Variants in ANKRD36B observed in about 807,000 individuals in gnomAD.
The protein encoded by ANKRD36B is ankyrin repeat domain 36B.
ANKRD36B carries 37 observed loss-of-function variants against 135.7 expected under a neutral mutation model. That is an observed-to-expected ratio of 0.27 (90% CI 0.21 to 0.36). The LOEUF (loss-of-function observed/expected upper bound fraction) is 0.36. Ranked by LOEUF, ANKRD36B falls within the 10% of genes least tolerant of loss-of-function variation. The pLI, the probability that ANKRD36B is intolerant of heterozygous loss-of-function variation, is 1.00. For synonymous variants in ANKRD36B, 179 were observed against 348.1 expected, an observed-to-expected ratio of 0.51 and a Z score of 5.41; for missense variants, 549 against 1,037.1, an observed-to-expected ratio of 0.53 and a Z score of 6.46.
chr2:97,558,702 G>A (rs1227434823), intron 10 of ANKRD36B, 97 bp downstream of exon 10: 1 of 1,514,212 alleles, frequency 6.6e-7, no homozygotes, highest in African/African-American at 1.4e-5. Flanking sequence ...GAATCAGAAT[G>A]TGCAGCTTCA....
intron 5 of ANKRD36B, 33 bp from the exon 6 acceptor site, chr2:97,576,479 A>C (rs2082246874): frequency 1.2e-6 from 1 of 809,726 alleles, no homozygotes; most frequent in Non-Finnish European, 1.9e-6. Flanking sequence ...TTAATATTTT[A>C]ATACTATTAT....
chr2:97,551,420 C>G, intron 17 of ANKRD36B, 32 bp downstream of exon 17: 2 of 1,606,118 alleles, frequency 1.2e-6, no homozygotes, highest in East Asian at 2.2e-5. Flanking sequence ...TATACGTTTA[C>G]TAGCTCACAA....
In ANKRD36B at chr2:97,534,170, C is replaced by T. The variant is rs564398891; in HGVS notation, c.2192-1786G>A. Among the ~76,000 whole-genome samples, 3 of 95,648 alleles carry T rather than the reference C, an allele frequency of 3.1e-5. 1 individual carries two copies. The highest frequency in any genetic ancestry group is 4.6e-4 in the East Asian group (2 of 4,336). The allele number at this position is 95,648 out of a possible 152,430, so 62.7% of individuals were successfully genotyped here. A position where few individuals can be genotyped will look rare whatever the true frequency, so the allele number is the denominator to read the frequency against. ...ATTTTATACTTCAAAATCAGTACAA[C>T]GTTCACTGATTATTTTGGTTTTGTT... On this transcript the variant is annotated intron_variant, in intron 34 of 43. Coordinates refer to ENST00000359901, the MANE Select transcript of ANKRD36B (RefSeq NM_001393939.1).
chr2:97,587,688 C>T (rs927743037), intron 1 of ANKRD36B, among the ~76,000 whole-genome samples: 6 of 152,138 alleles, frequency 3.9e-5, no homozygotes, highest in Middle Eastern at 3.2e-3. Context: ...GGGTGAAGGG[C>T]ACATACATTT....
chr2:97,493,974 G>A (rs1257563408), intron 43 of ANKRD36B, among the ~76,000 whole-genome samples: 2 of 104,580 alleles, frequency 1.9e-5, no homozygotes, highest in African/African-American at 5.3e-5. Flanking sequence ...CAACAGCATG[G>A]CCTTCACTGT....
At chr2:97,578,263 C>T (rs551276561) in intron 5 of ANKRD36B, among the ~76,000 whole-genome samples, 5 of 151,960 alleles carry the variant, frequency 3.3e-5, no homozygotes, top group African/African-American at 4.8e-5. Flanking sequence ...AACTTTGAAG[C>T]CTTTTTATGG....
chr2:97,530,580 C>T (rs538596348), intron 35 of ANKRD36B, among the ~76,000 whole-genome samples: 1 of 96,242 alleles, frequency 1.0e-5, no homozygotes, highest in South Asian at 2.3e-4. Flanking sequence ...TAAAGAGCTT[C>T]TGCACAGCAA....
At chr2:97,584,875 C>T in intron 3 of ANKRD36B, 69 bp downstream of exon 3, 1 of 670,228 alleles carries the variant, frequency 1.5e-6, no homozygotes, top group South Asian at 2.0e-5. Flanking sequence ...AAAAATTGAC[C>T]CTTACATGTG....
At position 97,531,836 on chromosome 2, in the gene ANKRD36B, C is replaced by G. The variant is rs1315601094; in HGVS notation, c.2265+475G>C. ...TGATTTTATGACCCATTCTCTCCCT[C>G]AACATAGAAACTGAAGTCAGAGATC... On this transcript the variant is annotated intron_variant, in intron 35 of 43. Coordinates refer to ENST00000359901, the MANE Select transcript of ANKRD36B (RefSeq NM_001393939.1). Among the ~76,000 whole-genome samples the G allele has an allele frequency of 2.5e-4, 24 of 96,554 alleles. 8 individuals carry two copies. The Middle Eastern group carries it at 0.021, about 86-fold the overall frequency. 63.3% of individuals were successfully genotyped at this position (96,554 alleles called of 152,430 possible).
chr2:97,555,344 T>A lies in ANKRD36B; in HGVS notation c.1070-90A>T, dbSNP rs12712057. The A allele has an allele frequency of 1.9e-6, 3 of 1,561,112 alleles. No individual in the cohort carries two copies. In the South Asian group the frequency reaches 3.4e-5, roughly 18 times the overall value. On this transcript the variant is annotated intron_variant, in intron 12 of 43. Transcript: ENST00000359901. ...TGAAATGTTAGCATCAAGCTGTATC[T>A]TCCTGCCTGTATTAGTATAGGCTTT... is the stretch of plus-strand genomic sequence containing the variant.
At chr2:97,563,718 A>G (rs879420499) in intron 6 of ANKRD36B, among the ~76,000 whole-genome samples, 39 of 152,268 alleles carry the variant, frequency 2.6e-4, no homozygotes, top group Non-Finnish European at 5.0e-4. Context: ...TCAAAAAGAC[A>G]TGCTTTAAGG....
intron 34 of ANKRD36B, among the ~76,000 whole-genome samples, chr2:97,534,926 C>T (rs1292226587): frequency 2.1e-5 from 2 of 97,050 alleles, no homozygotes; most frequent in East Asian, 2.3e-4. Flanking sequence ...TTGGAATCAA[C>T]CTAAATGTAC....
intron 6 of ANKRD36B, among the ~76,000 whole-genome samples, chr2:97,570,609 G>C (rs977914610): frequency 6.6e-6 from 1 of 152,074 alleles, no homozygotes; most frequent in African/African-American, 2.4e-5. Flanking sequence ...CATACTGGTA[G>C]ACAATATTGC....
At chr2:97,513,048 C>T in intron 38 of ANKRD36B, 132 bp downstream of exon 38, 1 of 1,091,094 alleles carries the variant, frequency 9.2e-7, no homozygotes, top group Non-Finnish European at 1.2e-6. Context: ...CTATAAATGC[C>T]ATGATTCATT....
intron 12 of ANKRD36B, among the ~76,000 whole-genome samples, chr2:97,556,365 T>C (rs2080521734): frequency 1.3e-5 from 2 of 151,932 alleles, no homozygotes; most frequent in African/African-American, 4.8e-5. Flanking sequence ...AATCTTCTGG[T>C]ATGCAAACAT....
rs1459107762 is a variant in ANKRD36B at position 97,529,172 on chromosome 2, G to A, written c.2265+3139C>T. Among the ~76,000 whole-genome samples, 21 of 94,730 alleles carry A rather than the reference G, an allele frequency of 2.2e-4. 7 individuals are homozygous for A. The East Asian group carries it at 3.5e-3, about 16-fold the overall frequency. The allele number at this position is 94,730 out of a possible 152,430, so 62.1% of individuals were successfully genotyped here. On this transcript the variant is annotated intron_variant, in intron 35 of 43. Transcript: ENST00000359901. ...ATCCTCAATAAAATACTGGCAAACC[G>A]AATCCAGCAGCACATCAAAAAGCTT...
At chr2:97,552,507 A>G (rs2080156862) in intron 16 of ANKRD36B, among the ~76,000 whole-genome samples, 1 of 151,920 alleles carries the variant, frequency 6.6e-6, no homozygotes, top group Admixed American at 6.6e-5. Flanking sequence ...AAAAAGGAGT[A>G]ATGAGTCAGT....
At chr2:97,578,404 T>C (rs2082361602) in intron 5 of ANKRD36B, among the ~76,000 whole-genome samples, 1 of 152,018 alleles carries the variant, frequency 6.6e-6, no homozygotes, top group Non-Finnish European at 1.5e-5. Context: ...AAAGCAATGA[T>C]TAGAATGTCC....
intron 20 of ANKRD36B, among the ~76,000 whole-genome samples, chr2:97,548,902 CA>C (rs1280809558): frequency 1.3e-5 from 2 of 151,874 alleles, no homozygotes; most frequent in Non-Finnish European, 2.9e-5. Context: ...GCACAAACCC[CA>C]AAATTATATA....
Sources: allele counts gnomAD v4.1 joint callset (sites outside exome capture counted in the v4.1 genomes callset), GRCh38; gene constraint gnomAD v4.1.1; transcripts MANE v1.5; gene names NCBI Gene and HGNC (gene_info 2026-07-23, HGNC 2026-07-21).